Variants in FBXL7 observed in about 807,000 individuals in gnomAD.
The protein encoded by FBXL7 is F-box/LRR-repeat protein 7.
FBXL7 carries 12 observed loss-of-function variants against 38.3 expected under a neutral mutation model. That is an observed-to-expected ratio of 0.31 (90% CI 0.20 to 0.51). The LOEUF (loss-of-function observed/expected upper bound fraction) is 0.51. Ranked by LOEUF, FBXL7 falls within the 20% of genes least tolerant of loss-of-function variation. The probability of loss-of-function intolerance (pLI) is 0.98; values close to 1 mark genes in which losing one functional copy is unlikely to be tolerated. For missense variants in FBXL7, 567 were observed against 676.4 expected, an observed-to-expected ratio of 0.84 and a Z score of 1.79; for synonymous variants, 297 against 300.9, an observed-to-expected ratio of 0.99 and a Z score of 0.13.
chr5:15,881,991 G>A (rs1283881961), intron 2 of FBXL7, among the ~76,000 whole-genome samples: 1 of 152,128 alleles, frequency 6.6e-6, no homozygotes, highest in East Asian at 1.9e-4. Context: ...GGCAAAGAGG[G>A]GACAGGCACT....
At chr5:15,745,309 CTT>C (rs1403109211) in intron 2 of FBXL7, among the ~76,000 whole-genome samples, 2 of 152,052 alleles carry the variant, frequency 1.3e-5, no homozygotes, top group African/African-American at 2.4e-5. Context: ...TATTTTTACT[CTT>C]TGTATTCATG....
chr5:15,830,485 A>AACACACACACACACAC (rs57825713), intron 2 of FBXL7, among the ~76,000 whole-genome samples: 1 of 144,190 alleles, frequency 6.9e-6, no homozygotes, highest in African/African-American at 2.6e-5. Flanking sequence ...CTCCATCTAA[A>AACACACACACACACAC]ACACACACAC....
At chr5:15,610,481 C>T (rs1002505829) in intron 1 of FBXL7, among the ~76,000 whole-genome samples, 7 of 152,198 alleles carry the variant, frequency 4.6e-5, no homozygotes, top group Admixed American at 3.3e-4. Flanking sequence ...CTTCCTGAGA[C>T]AATAGCTTGA....
chr5:15,665,337 C>G (rs1021165584), intron 2 of FBXL7, among the ~76,000 whole-genome samples: 2 of 152,218 alleles, frequency 1.3e-5, no homozygotes, highest in Admixed American at 6.5e-5. Flanking sequence ...CTAGTCCAAA[C>G]TTGGTCTTTA....
At chr5:15,644,702 C>T (rs764203909) in intron 2 of FBXL7, among the ~76,000 whole-genome samples, 14 of 152,062 alleles carry the variant, frequency 9.2e-5, no homozygotes, top group Non-Finnish European at 1.9e-4. Context: ...ATGATTGGAG[C>T]CTTAATGAAT....
At chr5:15,848,527 A>G (rs1579516694) in intron 2 of FBXL7, among the ~76,000 whole-genome samples, 1 of 152,136 alleles carries the variant, frequency 6.6e-6, no homozygotes, top group East Asian at 1.9e-4. Context: ...GATTACCAGC[A>G]CCTGCCACCA....
At chr5:15,934,498 A>G (rs1056864887) in intron 3 of FBXL7, among the ~76,000 whole-genome samples, 7 of 151,880 alleles carry the variant, frequency 4.6e-5, no homozygotes, top group African/African-American at 1.4e-4. Flanking sequence ...TATAGTGTGT[A>G]TATATATAAC....
chr5:15,546,236 TCTGGCCAA>T (rs1295691697), intron 1 of FBXL7, among the ~76,000 whole-genome samples: 3 of 149,564 alleles, frequency 2.0e-5, no homozygotes, highest in African/African-American at 7.4e-5. Flanking sequence ...TTGAGACCAT[TCTGGCCAA>T]CATGGTGAAA....
chr5:15,549,863 A>G (rs1738013934), intron 1 of FBXL7, among the ~76,000 whole-genome samples: 2 of 152,188 alleles, frequency 1.3e-5, no homozygotes, highest in South Asian at 4.1e-4. Flanking sequence ...TTTTGAAACT[A>G]GAAATCTGGC....
chr5:15,912,992 T>G (rs904143608), intron 2 of FBXL7, among the ~76,000 whole-genome samples: 1 of 152,194 alleles, frequency 6.6e-6, no homozygotes, highest in Non-Finnish European at 1.5e-5. Flanking sequence ...TAAACAATGT[T>G]TAAGTGTACT....
chr5:15,823,835 G>A (rs961811748), intron 2 of FBXL7, among the ~76,000 whole-genome samples: 1 of 152,050 alleles, frequency 6.6e-6, no homozygotes, highest in Non-Finnish European at 1.5e-5. Flanking sequence ...CCCTCTTTCT[G>A]CCTCCAGTTC....
intron 2 of FBXL7, among the ~76,000 whole-genome samples, chr5:15,692,935 C>A (rs74388642): frequency 6.6e-6 from 1 of 152,196 alleles, no homozygotes; most frequent in South Asian, 2.1e-4. Flanking sequence ...AGACTCATTC[C>A]CTTTCTGCTT....
intron 2 of FBXL7, among the ~76,000 whole-genome samples, chr5:15,677,834 T>G (rs868689055): frequency 3.9e-5 from 6 of 152,024 alleles, no homozygotes; most frequent in Non-Finnish European, 7.4e-5. Context: ...TAGTGGTAAA[T>G]TGTGAATTTC....
intron 2 of FBXL7, among the ~76,000 whole-genome samples, chr5:15,863,881 C>T (rs1739589983): frequency 6.6e-6 from 1 of 152,164 alleles, no homozygotes; most frequent in Non-Finnish European, 1.5e-5. Flanking sequence ...GCTGTTGGCC[C>T]TCACTAGATG....
chr5:15,729,902 C>T (rs563003660), intron 2 of FBXL7, among the ~76,000 whole-genome samples: 11 of 152,270 alleles, frequency 7.2e-5, no homozygotes, highest in South Asian at 4.1e-4. Flanking sequence ...GTAAGTCAAT[C>T]GGGTAACGCT....
intron 2 of FBXL7, among the ~76,000 whole-genome samples, chr5:15,878,168 G>T (rs189492480): frequency 6.6e-6 from 1 of 152,300 alleles, no homozygotes; most frequent in East Asian, 1.9e-4. Flanking sequence ...CACCCTCAAG[G>T]TCAGCCACAT....
chr5:15,508,506 TAAGGA>T (rs1341125338), intron 1 of FBXL7, among the ~76,000 whole-genome samples: 2 of 152,206 alleles, frequency 1.3e-5, no homozygotes, highest in Non-Finnish European at 2.9e-5. Flanking sequence ...CTGGGCTACC[TAAGGA>T]AAGAGTGAGC....
chr5:15,781,457 G>A (rs561106323), intron 2 of FBXL7, among the ~76,000 whole-genome samples: 219 of 151,020 alleles, frequency 1.5e-3, no homozygotes, highest in African/African-American at 4.8e-3. Context: ...GTGCGCGCGC[G>A]TGTGTGTGTG....
At chr5:15,678,715 T>G (rs778078995) in intron 2 of FBXL7, among the ~76,000 whole-genome samples, 8 of 152,140 alleles carry the variant, frequency 5.3e-5, no homozygotes, top group Non-Finnish European at 1.2e-4. Context: ...AGATCTGATG[T>G]TTTTATAAGG....
Sources: gnomAD v4.1 joint callset for allele counts (sites outside exome capture counted in the v4.1 genomes callset) on GRCh38, gnomAD v4.1.1 for gene constraint, MANE v1.5 for transcripts, NCBI Gene and HGNC (gene_info 2026-07-23, HGNC 2026-07-21) for gene names.